The following PCDH11X variants were observed in gnomAD, a reference collection of about 807,000 sequenced individuals.
PCDH11X encodes protocadherin 11 X-linked, also known as protocadherin-11 X-linked.
A neutral mutation model predicts 53.3 loss-of-function variants in PCDH11X; 18 were observed. The observed-to-expected ratio is 0.34, with a 90% confidence interval of 0.23 to 0.50. PCDH11X has a LOEUF of 0.50. PCDH11X is among the 20% of genes least tolerant of loss of function. PCDH11X has a pLI of 0.98. For synonymous variants in PCDH11X, 279 were observed against 393.3 expected (o/e 0.71, Z 3.44); for missense variants, 570 against 1,032.4 (o/e 0.55, Z 6.14).
chrX:92,067,766 A>G (rs1316282876), intron 6 of PCDH11X, among the ~76,000 whole-genome samples: 1 of 111,497 alleles, frequency 9.0e-6, no homozygotes, highest in African/African-American at 3.3e-5. Flanking sequence ...GTCTGGTAGA[A>G]TTCAGCAGTG....
Position 92,378,012 on chromosome X carries a change from A to G in PCDH11X, c.3145-9723A>G, listed in dbSNP as rs955264294. ...CTTTTGAATGTTATAGAATTTAATTATTCAGCAGAAAACAAATTGTAATCA... is the reference window on the plus strand; with the variant it reads ...CTTTTGAATGTTATAGAATTTAATTGTTCAGCAGAAAACAAATTGTAATCA... On this transcript the variant is annotated intron_variant, in intron 8 of 10. Transcript: ENST00000682573. Among the ~76,000 whole-genome samples the G allele has an allele frequency of 1.5e-4, 16 of 109,694 alleles. No homozygotes were observed. The East Asian group carries it at 2.3e-3, about 16-fold the overall frequency.
At chrX:92,151,172 T>G (rs2065426313) in intron 6 of PCDH11X, among the ~76,000 whole-genome samples, 1 of 108,927 alleles carries the variant, frequency 9.2e-6, no homozygotes, top group Admixed American at 9.9e-5. Flanking sequence ...CTTAGAATTT[T>G]TATTTTTATT....
intron 5 of PCDH11X, among the ~76,000 whole-genome samples, chrX:91,874,329 T>C (rs1398238912): frequency 9.1e-6 from 1 of 110,400 alleles, no homozygotes; most frequent in Non-Finnish European, 1.9e-5. Flanking sequence ...GTATATCAAA[T>C]AATAGATTTT....
In PCDH11X at chrX:92,136,399, T is replaced by C. The variant is rs149711713; in HGVS notation, c.3034-64976T>C. 5.1e-3 allele frequency among the ~76,000 whole-genome samples: 536 copies of C among 104,959 alleles called. 5 individuals are homozygous for C. Among genetic ancestry groups the C allele is most frequent in the African/African-American group, 0.019 (515 of 27,717 alleles). The allele number at this position is 104,959 out of a possible 115,157, so 91.1% of individuals were successfully genotyped here. ...CAACAGGGGATCAGATCTTGTAGAGTAGGAAGTGCAAACTGCACTTCTTTT... is the reference window on the plus strand; with the variant it reads ...CAACAGGGGATCAGATCTTGTAGAGCAGGAAGTGCAAACTGCACTTCTTTT... On this transcript the variant is annotated intron_variant, in intron 6 of 10. Coordinates refer to ENST00000682573, the MANE Select transcript of PCDH11X (RefSeq NM_032968.5).
intron 10 of PCDH11X, among the ~76,000 whole-genome samples, chrX:92,531,215 A>G (rs2074548703): frequency 9.0e-6 from 1 of 111,107 alleles, no homozygotes; most frequent in Admixed American, 9.6e-5. Flanking sequence ...TCTGTAAGTA[A>G]AACTCTGCAG....
chrX:92,114,002 T>G (rs2064579466), intron 6 of PCDH11X: 1 of 1,207,802 alleles, frequency 8.3e-7, no homozygotes, highest in African/African-American at 1.7e-5. Context: ...CCCACGATGA[T>G]GTGGGGAGCT....
intron 4 of PCDH11X, among the ~76,000 whole-genome samples, chrX:91,814,682 G>A (rs1936400776): frequency 1.1e-5 from 1 of 92,195 alleles, no homozygotes; most frequent in Non-Finnish European, 2.2e-5. Flanking sequence ...AAATGATTAT[G>A]TATTTATGAT....
chrX:92,118,909 T>C (rs5984887), intron 6 of PCDH11X, among the ~76,000 whole-genome samples: 1,355 of 104,968 alleles, frequency 0.013, 19 homozygotes, highest in African/African-American at 0.044. Flanking sequence ...GCCCAGCTAA[T>C]TTTTTGTATT....
intron 9 of PCDH11X, chrX:92,468,038 T>A (rs1020929523): frequency 2.2e-5 from 3 of 137,175 alleles, no homozygotes; most frequent in African/African-American, 9.6e-5. Context: ...ACATTTCCTT[T>A]GTGGAAAGCA....
chrX:92,395,610 T>G (rs2071225907), intron 9 of PCDH11X, among the ~76,000 whole-genome samples: 1 of 111,027 alleles, frequency 9.0e-6, no homozygotes, highest in South Asian at 3.8e-4. Flanking sequence ...AATCCCAGAA[T>G]TTACATGTGC....
intron 10 of PCDH11X, among the ~76,000 whole-genome samples, chrX:92,601,290 A>G (rs1191487901): frequency 2.0e-5 from 2 of 102,463 alleles, no homozygotes; most frequent in East Asian, 3.1e-4. Context: ...TGAAGCTCCC[A>G]TAATCTCCAC....
At chrX:92,609,698 G>A (rs1927166931) in intron 10 of PCDH11X, among the ~76,000 whole-genome samples, 1 of 110,476 alleles carries the variant, frequency 9.1e-6, no homozygotes, top group Non-Finnish European at 1.9e-5. Flanking sequence ...TGACGCTGAG[G>A]TTTGGGGTAT....
At chrX:91,826,284 C>T (rs1042001619) in intron 4 of PCDH11X, among the ~76,000 whole-genome samples, 1 of 110,800 alleles carries the variant, frequency 9.0e-6, no homozygotes, top group Non-Finnish European at 1.9e-5. Flanking sequence ...TTTGTAAGAA[C>T]ATCTTGTAAA....
chrX:92,093,496 C>T (rs2064082254), intron 6 of PCDH11X, among the ~76,000 whole-genome samples: 1 of 111,181 alleles, frequency 9.0e-6, no homozygotes, highest in Admixed American at 9.6e-5. Flanking sequence ...GATTATTTAA[C>T]CTGTGGACAA....
intron 6 of PCDH11X, chrX:91,879,854 T>C (rs1939811855): frequency 1.3e-6 from 1 of 745,430 alleles, no homozygotes; most frequent in African/African-American, 2.6e-5. Flanking sequence ...AGTCACACAA[T>C]ATAACAAGAA....
intron 10 of PCDH11X, among the ~76,000 whole-genome samples, chrX:92,600,604 C>T (rs5985009): frequency 2.8e-4 from 31 of 109,874 alleles, no homozygotes; most frequent in Non-Finnish European, 4.4e-4. Context: ...AGAATCCTCA[C>T]GGAGAACCTC....
intron 7 of PCDH11X, among the ~76,000 whole-genome samples, chrX:92,256,979 G>T (rs1877152902): frequency 9.0e-6 from 1 of 111,290 alleles, no homozygotes; most frequent in Admixed American, 9.6e-5. Context: ...ATGCTATAAA[G>T]AAATTTCTGA....
chrX:92,012,497 G>A (rs966659863), intron 6 of PCDH11X, among the ~76,000 whole-genome samples: 7 of 111,624 alleles, frequency 6.3e-5, no homozygotes, highest in Admixed American at 2.9e-4. Context: ...TAAATAATTC[G>A]AAAGAGGACT....
intron 6 of PCDH11X, among the ~76,000 whole-genome samples, chrX:92,068,429 T>G (rs939660622): frequency 3.7e-5 from 4 of 108,711 alleles, no homozygotes; most frequent in Non-Finnish European, 5.7e-5. Flanking sequence ...ACTGACTCAC[T>G]GATCATTTAG....
Sources: gnomAD v4.1 joint callset for allele counts (sites outside exome capture counted in the v4.1 genomes callset) on GRCh38, gnomAD v4.1.1 for gene constraint, MANE v1.5 for transcripts, NCBI Gene and HGNC (gene_info 2026-07-23, HGNC 2026-07-21) for gene names.